The following SNAP91 variants were observed in gnomAD, a reference collection of about 807,000 sequenced individuals.
SNAP91 encodes the protein clathrin coat assembly protein AP180.
In SNAP91, 27 loss-of-function variants were observed where a neutral mutation model predicts 100.3. The observed-to-expected ratio is 0.27, with a 90% CI of 0.20 to 0.37. SNAP91 has a LOEUF of 0.37. Ranked by LOEUF, SNAP91 falls within the 10% of genes least tolerant of loss-of-function variation. SNAP91 has a pLI of 1.00. For missense variants in SNAP91, 986 were observed against 1,123.7 expected (o/e 0.88, Z 1.75); for synonymous variants, 404 against 398.6 (o/e 1.01, Z -0.16).
At chr6:83,607,014 G>C (rs2095657242) in intron 13 of SNAP91, among the ~76,000 whole-genome samples, 1 of 152,174 alleles carries the variant, frequency 6.6e-6, no homozygotes, top group African/African-American at 2.4e-5. Flanking sequence ...TCAGTTCAAA[G>C]TTCAAGTCTC....
rs1242370045 is a variant in SNAP91, at chr6:83,653,637, G to T, written c.658+3117C>A. On this transcript the variant is annotated intron_variant, in intron 7 of 29. Coordinates refer to ENST00000369694, the MANE Select transcript of SNAP91 (RefSeq NM_001242792.2). ...GTTCTGATGCTTGCTCTGTCTTTTT[G>T]AATGTTTTTCTGTCATTTAGTATGA... Among the ~76,000 whole-genome samples the T allele has an allele frequency of 6.6e-5, 10 of 152,036 alleles. 1 individual carries two copies. Among genetic ancestry groups the T allele is most frequent in the Admixed American group, 5.2e-4 (8 of 15,256 alleles).
At chr6:83,642,231 G>A (rs1249372858) in intron 7 of SNAP91, among the ~76,000 whole-genome samples, 1 of 151,928 alleles carries the variant, frequency 6.6e-6, no homozygotes, top group Non-Finnish European at 1.5e-5. Flanking sequence ...GGGTGCATAT[G>A]CACAACGTGC....
chr6:83,593,327 G>A, intron 18 of SNAP91, 68 bp from the exon 19 acceptor site: 1 of 1,523,988 alleles, frequency 6.6e-7, no homozygotes, highest in Admixed American at 2.0e-5. Context: ...TCACTTCCCA[G>A]TCCTTAATTA....
At chr6:83,670,242 T>C (rs2128812620) in intron 2 of SNAP91, among the ~76,000 whole-genome samples, 1 of 101,476 alleles carries the variant, frequency 9.9e-6, no homozygotes, top group East Asian at 2.7e-4. Flanking sequence ...CTTGATATGG[T>C]CCTTTTTTTT....
At chr6:83,632,932 GA>G (rs1296307164) in intron 8 of SNAP91, among the ~76,000 whole-genome samples, 1 of 152,166 alleles carries the variant, frequency 6.6e-6, no homozygotes, top group Non-Finnish European at 1.5e-5. Context: ...GAGCTAGTGT[GA>G]TTTTTTTGGA....
chr6:83,602,708 C>A (rs2095344004), intron 14 of SNAP91, among the ~76,000 whole-genome samples: 2 of 151,982 alleles, frequency 1.3e-5, no homozygotes, highest in Admixed American at 6.6e-5. Flanking sequence ...CATTTCCCCC[C>A]AAAGCTGACT....
intron 26 of SNAP91, among the ~76,000 whole-genome samples, chr6:83,568,271 C>A (rs1379708429): frequency 1.3e-5 from 2 of 151,938 alleles, no homozygotes; most frequent in African/African-American, 4.8e-5. Context: ...CGCATGTTCT[C>A]ACTCATAGGT....
At chr6:83,644,529 G>C (rs2097842878) in intron 7 of SNAP91, among the ~76,000 whole-genome samples, 1 of 152,118 alleles carries the variant, frequency 6.6e-6, no homozygotes, top group African/African-American at 2.4e-5. Context: ...TATTTGAAAT[G>C]ATCAAATTTC....
chr6:83,588,851 T>G (rs1053505671), intron 22 of SNAP91, among the ~76,000 whole-genome samples: 4 of 152,030 alleles, frequency 2.6e-5, no homozygotes, highest in Non-Finnish European at 5.9e-5. Flanking sequence ...GATCCTGGAG[T>G]AGACAATGTG....
intron 2 of SNAP91, among the ~76,000 whole-genome samples, chr6:83,693,148 A>G (rs1404971597): frequency 2.6e-5 from 4 of 152,230 alleles, no homozygotes; most frequent in East Asian, 1.9e-4. Flanking sequence ...AGAAAAAAGC[A>G]TAAGTCTTGC....
At position 83,695,352 on chromosome 6, in the gene SNAP91, A is replaced by C. The variant is rs138972532; in HGVS notation, c.130+12446T>G. 5.5e-3 allele frequency among the ~76,000 whole-genome samples: 830 copies of C among 151,614 alleles called. 6 individuals carry two copies. The highest frequency in any genetic ancestry group is 8.6e-3 in the Non-Finnish European group (585 of 67,848). ...AAAGAAAGAAAACTGTGATTTATGG[A>C]TTTATGATCACACCTCATAAATTTT... On this transcript the variant is annotated intron_variant, in intron 2 of 29. Transcript: ENST00000369694.
intron 22 of SNAP91, among the ~76,000 whole-genome samples, chr6:83,584,362 G>A (rs2091913476): frequency 6.6e-6 from 1 of 152,168 alleles, no homozygotes; most frequent in Non-Finnish European, 1.5e-5. Context: ...ATGGCTAGAA[G>A]AAATGACTCA....
At chr6:83,640,608 T>C (rs1338185853) in intron 8 of SNAP91, among the ~76,000 whole-genome samples, 3 of 152,200 alleles carry the variant, frequency 2.0e-5, no homozygotes, top group Admixed American at 1.3e-4. Flanking sequence ...AGAAAGAATT[T>C]ATAAACTTTA....
intron 22 of SNAP91, among the ~76,000 whole-genome samples, chr6:83,583,590 C>T (rs1383637986): frequency 6.6e-6 from 1 of 152,126 alleles, no homozygotes; most frequent in Non-Finnish European, 1.5e-5. Flanking sequence ...GAAGTGATTT[C>T]TTAACAAGAC....
intron 11 of SNAP91, among the ~76,000 whole-genome samples, chr6:83,611,969 C>T (rs1264889623): frequency 6.7e-6 from 1 of 150,320 alleles, no homozygotes; most frequent in Non-Finnish European, 1.5e-5. Flanking sequence ...GATCCGCCTG[C>T]CTCGGCCTCC....
At chr6:83,691,218 T>C (rs2099126552) in intron 2 of SNAP91, among the ~76,000 whole-genome samples, 1 of 152,144 alleles carries the variant, frequency 6.6e-6, no homozygotes. Flanking sequence ...ATGTTATAAA[T>C]TCTTAACCAC....
intron 5 of SNAP91, among the ~76,000 whole-genome samples, chr6:83,659,734 A>T (rs1315697330): frequency 6.6e-6 from 1 of 152,060 alleles, no homozygotes; most frequent in Non-Finnish European, 1.5e-5. Flanking sequence ...GCCCAATCAA[A>T]ATATAAGCTT....
chr6:83,660,157 G>A (rs796776777), intron 5 of SNAP91, among the ~76,000 whole-genome samples: 1 of 152,202 alleles, frequency 6.6e-6, no homozygotes, highest in Non-Finnish European at 1.5e-5. Context: ...TCATACAGGG[G>A]TGCAGAAGTT....
chr6:83,619,020 C>A (rs548464951), intron 9 of SNAP91, among the ~76,000 whole-genome samples: 23 of 150,714 alleles, frequency 1.5e-4, no homozygotes, highest in East Asian at 3.9e-4. Flanking sequence ...AACAAAAAAA[C>A]AAAACAAAAA....
Sources: allele counts gnomAD v4.1 joint callset (sites outside exome capture counted in the v4.1 genomes callset), GRCh38; gene constraint gnomAD v4.1.1; transcripts MANE v1.5; gene names NCBI Gene and HGNC (gene_info 2026-07-23, HGNC 2026-07-21).